Variants in DLGAP2 observed in about 807,000 individuals in gnomAD.
The protein encoded by DLGAP2 is DLG associated protein 2.
A neutral mutation model predicts 100.3 loss-of-function variants in DLGAP2; 26 were observed. The observed-to-expected ratio is 0.26, with a 90% CI of 0.19 to 0.36. DLGAP2 has a LOEUF of 0.36. DLGAP2 is among the 10% of genes least tolerant of loss of function. DLGAP2 has a pLI of 1.00. For missense variants in DLGAP2, 1,858 were observed against 1,453.2 expected, an observed-to-expected ratio of 1.28 and a Z score of -4.53; for synonymous variants, 886 against 630.1, an observed-to-expected ratio of 1.41 and a Z score of -6.08.
intron 2 of DLGAP2, among the ~76,000 whole-genome samples, chr8:970,484 GC>G (rs1799985595): frequency 6.6e-6 from 1 of 152,130 alleles, no homozygotes; most frequent in Non-Finnish European, 1.5e-5. Flanking sequence ...ACTTTCCCTT[GC>G]CATCTGTACT....
At chr8:788,405 C>T (rs1476416534) in intron 1 of DLGAP2, among the ~76,000 whole-genome samples, 2 of 152,122 alleles carry the variant, frequency 1.3e-5, no homozygotes, top group East Asian at 3.9e-4. Context: ...CATCCGTGTC[C>T]ACGTGGTCTA....
intron 2 of DLGAP2, among the ~76,000 whole-genome samples, chr8:1,029,608 C>T (rs532762958): frequency 7.6e-6 from 1 of 131,600 alleles, no homozygotes; most frequent in Admixed American, 8.2e-5. Context: ...CCAACAGGTT[C>T]TGGCAGGATG....
intron 3 of DLGAP2, among the ~76,000 whole-genome samples, chr8:1,417,159 A>AGGG (rs1563133699): frequency 3.9e-5 from 3 of 77,284 alleles, no homozygotes; most frequent in African/African-American, 1.9e-4. Flanking sequence ...ACTCTGAGTG[A>AGGG]AGGGGAAGCC....
At chr8:1,158,228 T>C (rs1314330017) in intron 2 of DLGAP2, among the ~76,000 whole-genome samples, 1 of 152,262 alleles carries the variant, frequency 6.6e-6, no homozygotes, top group Admixed American at 6.5e-5. Flanking sequence ...GTGGCCAATA[T>C]AACTTTTTGA....
chr8:1,281,403 C>T (rs537540567), intron 3 of DLGAP2, among the ~76,000 whole-genome samples: 47 of 152,286 alleles, frequency 3.1e-4, no homozygotes, highest in Non-Finnish European at 5.3e-4. Flanking sequence ...CTTAGGCGCC[C>T]CCAGTGGCTT....
chr8:1,555,731 G>C (rs905134678), intron 5 of DLGAP2, among the ~76,000 whole-genome samples: 2 of 152,220 alleles, frequency 1.3e-5, no homozygotes, highest in Non-Finnish European at 2.9e-5. Flanking sequence ...GAGATCGCTG[G>C]GCTGTGTCAC....
At chr8:1,689,699 G>T (rs1210576785) in intron 12 of DLGAP2, among the ~76,000 whole-genome samples, 1 of 152,168 alleles carries the variant, frequency 6.6e-6, no homozygotes, top group Non-Finnish European at 1.5e-5. Flanking sequence ...CGCCCCGTGA[G>T]CCAGCTCAGG....
intron 3 of DLGAP2, among the ~76,000 whole-genome samples, chr8:1,354,382 G>A (rs1001126501): frequency 6.6e-6 from 1 of 152,092 alleles, no homozygotes; most frequent in African/African-American, 2.4e-5. Flanking sequence ...GTGTGGTGGT[G>A]CGTGCTTGTA....
intron 3 of DLGAP2, among the ~76,000 whole-genome samples, chr8:1,374,876 G>C (rs931239699): frequency 6.6e-6 from 1 of 152,114 alleles, no homozygotes; most frequent in African/African-American, 2.4e-5. Flanking sequence ...CTGGCACTTC[G>C]TCTTCCGTGA....
At chr8:1,168,298 T>A (rs1311621866) in intron 2 of DLGAP2, among the ~76,000 whole-genome samples, 1 of 151,866 alleles carries the variant, frequency 6.6e-6, no homozygotes, top group Non-Finnish European at 1.5e-5. Context: ...ACATTTGGGT[T>A]GGTTCCAAGT....
At chr8:1,145,617 CT>C (rs749402348) in intron 2 of DLGAP2, among the ~76,000 whole-genome samples, 6 of 151,812 alleles carry the variant, frequency 4.0e-5, no homozygotes, top group South Asian at 4.2e-4. Flanking sequence ...TGGATGTATT[CT>C]TTTTTTTATT....
intron 8 of DLGAP2, among the ~76,000 whole-genome samples, chr8:1,664,805 G>A (rs1217439333): frequency 1.3e-5 from 2 of 152,208 alleles, no homozygotes; most frequent in Non-Finnish European, 2.9e-5. Context: ...CTGCAGCACA[G>A]CTAATTGCTT....
At chr8:1,684,281 G>C (rs1483693237) in intron 12 of DLGAP2, among the ~76,000 whole-genome samples, 8 of 151,938 alleles carry the variant, frequency 5.3e-5, no homozygotes, top group African/African-American at 1.9e-4. Context: ...TTTGTGGACA[G>C]ATGTCAAAAC....
chr8:1,083,067 G>C (rs1047045824), intron 2 of DLGAP2, among the ~76,000 whole-genome samples: 8 of 152,228 alleles, frequency 5.3e-5, no homozygotes, highest in African/African-American at 1.9e-4. Flanking sequence ...TTTGCTGTCA[G>C]TCAAGCCAAC....
chr8:1,379,990 A>G (rs1186403910), intron 3 of DLGAP2, among the ~76,000 whole-genome samples: 5 of 151,360 alleles, frequency 3.3e-5, no homozygotes, highest in South Asian at 2.1e-4. Flanking sequence ...GCTCTCTTCA[A>G]TTCTCTTCTG....
intron 1 of DLGAP2, among the ~76,000 whole-genome samples, chr8:818,432 C>T (rs1796525902): frequency 6.6e-6 from 1 of 152,172 alleles, no homozygotes; most frequent in African/African-American, 2.4e-5. Flanking sequence ...TTTCCCTGAA[C>T]CACGAACCTC....
At chr8:1,230,335 A>C (rs780973184) in intron 2 of DLGAP2, among the ~76,000 whole-genome samples, 56 of 152,314 alleles carry the variant, frequency 3.7e-4, no homozygotes, top group African/African-American at 1.3e-3. Flanking sequence ...ACGGAGAACT[A>C]TAAAACACTG....
intron 1 of DLGAP2, among the ~76,000 whole-genome samples, chr8:785,981 G>A (rs909651532): frequency 4.7e-4 from 72 of 152,232 alleles, no homozygotes; most frequent in African/African-American, 1.7e-3. Context: ...GTACCCCGTG[G>A]AGGTGTGATG....
chr8:1,626,697 G>C (rs373116852), intron 6 of DLGAP2, 43 bp from the exon 7 acceptor site: 1 of 1,561,448 alleles, frequency 6.4e-7, no homozygotes. Flanking sequence ...GCCCTGCAGC[G>C]GGTGCTCACA....
Sources: allele counts gnomAD v4.1 joint callset (sites outside exome capture counted in the v4.1 genomes callset), GRCh38; gene constraint gnomAD v4.1.1; transcripts MANE v1.5; gene names NCBI Gene and HGNC (gene_info 2026-07-23, HGNC 2026-07-21).